The following CRADD variants were observed in gnomAD, a reference collection of about 807,000 sequenced individuals.
CRADD encodes the protein CARD and death domain containing adaptor protein.
Under a neutral mutation model 15.5 loss-of-function variants are expected in CRADD, and 9 were observed. The observed-to-expected ratio is 0.58, with a 90% CI of 0.35 to 1.01. The LOEUF (loss-of-function observed/expected upper bound fraction) is 1.01, where lower values mean the gene tolerates loss of function less well. Ranked by LOEUF, CRADD falls within the 50% of genes least tolerant of loss-of-function variation. The pLI is 0.02. For synonymous variants in CRADD, 118 were observed against 107.6 expected (o/e 1.10, Z -0.60); for missense variants, 227 against 250.3 (o/e 0.91, Z 0.63).
intron 2 of CRADD, among the ~76,000 whole-genome samples, chr12:93,779,116 C>T (rs955651858): frequency 1.3e-5 from 2 of 152,170 alleles, no homozygotes; most frequent in African/African-American, 2.4e-5. Flanking sequence ...ATCAAAATCG[C>T]CACAGCCAAG....
intron 2 of CRADD, among the ~76,000 whole-genome samples, chr12:93,861,872 C>T (rs376428467): frequency 2.0e-5 from 3 of 152,004 alleles, no homozygotes; most frequent in South Asian, 2.1e-4. Context: ...GGCTGTGTCC[C>T]GACCCAAATC....
chr12:93,715,408 T>A (rs1305373557), intron 2 of CRADD, among the ~76,000 whole-genome samples: 1 of 152,234 alleles, frequency 6.6e-6, no homozygotes, highest in Non-Finnish European at 1.5e-5. Flanking sequence ...GCATTTATTG[T>A]AGAGGAACCT....
intron 2 of CRADD, among the ~76,000 whole-genome samples, chr12:93,867,250 A>G (rs929246552): frequency 3.3e-5 from 5 of 151,702 alleles, no homozygotes; most frequent in South Asian, 2.1e-4. Flanking sequence ...CTAACTCACA[A>G]CATTTTACGG....
chr12:93,821,280 A>G (rs1305340414), intron 2 of CRADD, among the ~76,000 whole-genome samples: 3 of 152,312 alleles, frequency 2.0e-5, no homozygotes, highest in East Asian at 1.9e-4. Context: ...TCTGTGTTCT[A>G]TACTCATTTA....
At chr12:93,759,731 A>T (rs1956928658) in intron 2 of CRADD, among the ~76,000 whole-genome samples, 1 of 152,116 alleles carries the variant, frequency 6.6e-6, no homozygotes, top group African/African-American at 2.4e-5. Context: ...GTTTACAGGC[A>T]CCCTATCTCA....
chr12:93,776,087 G>C (rs968547971), intron 2 of CRADD, among the ~76,000 whole-genome samples: 1 of 152,090 alleles, frequency 6.6e-6, no homozygotes, highest in Non-Finnish European at 1.5e-5. Flanking sequence ...TTATCTGAGA[G>C]AACCCATTTA....
intron 2 of CRADD, among the ~76,000 whole-genome samples, chr12:93,826,405 T>C (rs1202362732): frequency 6.6e-6 from 1 of 152,206 alleles, no homozygotes; most frequent in Non-Finnish European, 1.5e-5. Context: ...GCACATGATA[T>C]TATTTTAAAG....
intron 2 of CRADD, among the ~76,000 whole-genome samples, chr12:93,773,814 T>TTTG (rs1555223108): frequency 1.2e-4 from 4 of 33,036 alleles, no homozygotes; most frequent in Admixed American, 4.6e-4. Context: ...ACTTTGTGAG[T>TTTG]TTTTTTTTTT....
chr12:93,876,382 T>G (rs980453138), intron 2 of CRADD, among the ~76,000 whole-genome samples: 17 of 152,240 alleles, frequency 1.1e-4, no homozygotes, highest in African/African-American at 3.9e-4. Context: ...GGAAGTTCTC[T>G]GATATTATTC....
At chr12:93,787,852 A>G (rs1017983295) in intron 2 of CRADD, among the ~76,000 whole-genome samples, 2 of 152,158 alleles carry the variant, frequency 1.3e-5, no homozygotes, top group African/African-American at 4.8e-5. Context: ...ATCACTTACC[A>G]TGGTGAGGAT....
At chr12:93,821,163 G>A (rs1957765194) in intron 2 of CRADD, among the ~76,000 whole-genome samples, 1 of 152,260 alleles carries the variant, frequency 6.6e-6, no homozygotes, top group Non-Finnish European at 1.5e-5. Flanking sequence ...ATTAGCAGAT[G>A]TGAAGACATT....
At chr12:93,765,399 G>A (rs1380152597) in intron 2 of CRADD, among the ~76,000 whole-genome samples, 1 of 152,160 alleles carries the variant, frequency 6.6e-6, no homozygotes, top group African/African-American at 2.4e-5. Flanking sequence ...CGGGATCCAC[G>A]CAGCTCTCTG....
At chr12:93,731,412 T>A (rs1956462254) in intron 2 of CRADD, among the ~76,000 whole-genome samples, 1 of 152,260 alleles carries the variant, frequency 6.6e-6, no homozygotes, top group Admixed American at 6.5e-5. Context: ...TGTACTTATA[T>A]TTTACTTTTT....
At chr12:93,790,760 A>T (rs1306985907) in intron 2 of CRADD, 1 of 152,120 alleles carries the variant, frequency 6.6e-6, no homozygotes, top group African/African-American at 2.4e-5. Context: ...TCTTCAGGTA[A>T]GCATGATCTG....
intron 2 of CRADD, among the ~76,000 whole-genome samples, chr12:93,856,925 T>G (rs1958279532): frequency 1.3e-5 from 2 of 152,242 alleles, no homozygotes; most frequent in African/African-American, 4.8e-5. Flanking sequence ...GTTTACTTCT[T>G]GGAACTATAA....
intron 2 of CRADD, among the ~76,000 whole-genome samples, chr12:93,867,578 A>G (rs1180405034): frequency 6.6e-6 from 1 of 151,968 alleles, no homozygotes; most frequent in Non-Finnish European, 1.5e-5. Flanking sequence ...TTTTGAACCA[A>G]TTATTACAGG....
intron 2 of CRADD, chr12:93,738,087 G>T: frequency 2.0e-6 from 1 of 500,972 alleles, no homozygotes; most frequent in South Asian, 3.9e-5. Flanking sequence ...TGTAAGTGTT[G>T]AATTGAGCTA....
intron 2 of CRADD, among the ~76,000 whole-genome samples, chr12:93,730,472 G>A (rs564600641): frequency 2.0e-5 from 3 of 152,280 alleles, no homozygotes; most frequent in African/African-American, 7.2e-5. Context: ...TGATTTTTCT[G>A]GAAGGCACTT....
intron 2 of CRADD, among the ~76,000 whole-genome samples, chr12:93,887,060 C>G (rs575378041): frequency 1.3e-5 from 2 of 152,306 alleles, no homozygotes; most frequent in East Asian, 3.9e-4. Flanking sequence ...AGACTTGAAT[C>G]CAGATCTTTG....
Sources: allele counts gnomAD v4.1 joint callset (sites outside exome capture counted in the v4.1 genomes callset), GRCh38; gene constraint gnomAD v4.1.1; transcripts MANE v1.5; gene names NCBI Gene and HGNC (gene_info 2026-07-23, HGNC 2026-07-21).